The following BBOF1 variants were observed in gnomAD, a reference collection of about 807,000 sequenced individuals.
The protein encoded by BBOF1 is basal body-orientation factor 1.
In BBOF1, 62 loss-of-function variants were observed where a neutral mutation model predicts 68.0. That is an observed-to-expected ratio of 0.91 (90% CI 0.74 to 1.13). The LOEUF is 1.13. Among genes scored for constraint, BBOF1 ranks in the 50% most tolerant of loss-of-function variants. The pLI, the probability that BBOF1 is intolerant of heterozygous loss-of-function variation, is 0.00. For synonymous variants in BBOF1, 208 were observed against 198.8 expected, an observed-to-expected ratio of 1.05 and a Z score of -0.39; for missense variants, 534 against 600.1, an observed-to-expected ratio of 0.89 and a Z score of 1.15.
At chr14:74,026,881 C>T (rs1373721677) in intron 2 of BBOF1, among the ~76,000 whole-genome samples, 2 of 151,022 alleles carry the variant, frequency 1.3e-5, no homozygotes, top group Non-Finnish European at 1.5e-5. Flanking sequence ...GCTGAGATTG[C>T]GCCACTGCAC....
intron 9 of BBOF1, among the ~76,000 whole-genome samples, chr14:74,074,294 T>C (rs1041530006): frequency 6.0e-5 from 9 of 148,900 alleles, no homozygotes; most frequent in Non-Finnish European, 1.0e-4. Context: ...CTAAATTTTT[T>C]TTTTTTTTTT....
intron 3 of BBOF1, among the ~76,000 whole-genome samples, chr14:74,032,923 T>C (rs2059610511): frequency 6.6e-6 from 1 of 152,130 alleles, no homozygotes; most frequent in Non-Finnish European, 1.5e-5. Flanking sequence ...TCCTTTTCTC[T>C]GTCCTCTTGC....
intron 8 of BBOF1, chr14:74,055,154 CT>C (rs760275836): frequency 1.8e-3 from 271 of 149,178 alleles, no homozygotes; most frequent in South Asian, 7.5e-3. Context: ...TTTTTTCTTT[CT>C]TTTTTTTTTT....
At chr14:74,049,636 T>C in intron 7 of BBOF1, 66 bp from the exon 8 acceptor site, 2 of 1,394,664 alleles carry the variant, frequency 1.4e-6, no homozygotes, top group Non-Finnish European at 9.5e-7. Flanking sequence ...CCCTCCAGCC[T>C]GGGCGACAGA....
intron 11 of BBOF1, among the ~76,000 whole-genome samples, chr14:74,062,957 T>G (rs9652369): frequency 0.56 from 85,331 of 152,040 alleles, 25,244 homozygotes; most frequent in East Asian, 0.89. Flanking sequence ...CCTGCTCTGT[T>G]CCAGGTACTG....
chr14:74,069,054 C>T, downstream of BBOF1: 1 of 1,512,136 alleles, frequency 6.6e-7, no homozygotes, highest in Non-Finnish European at 9.1e-7. Context: ...TCCCCTTTCC[C>T]CACTGCTATG....
In BBOF1 at chr14:74,037,274, CTTTT is replaced by C. The variant is rs892262272; in HGVS notation, c.495+3127_495+3130del. Reference sequence around the variant, plus strand: ...AGGTGTGAACCACCACGCCTGGCCTCTTTTTTTTTTTTTTTTTTTTTTTTTTTCT... The same window carrying C: ...AGGTGTGAACCACCACGCCTGGCCTCTTTTTTTTTTTTTTTTTTTTTTTCT... On this transcript the variant is annotated intron_variant, in intron 4 of 11. Coordinates refer to ENST00000394009, the MANE Select transcript of BBOF1 (RefSeq NM_025057.3). Among the ~76,000 whole-genome samples the C allele has an allele frequency of 9.1e-5, 6 of 65,996 alleles. No individual in the cohort carries two copies. The South Asian group carries it at 3.6e-3, about 40-fold the overall frequency. 43.3% of individuals were successfully genotyped at this position (65,996 alleles called of 152,430 possible). A position where few individuals can be genotyped will look rare whatever the true frequency, so the allele number is the denominator to read the frequency against.
intron 9 of BBOF1, among the ~76,000 whole-genome samples, chr14:74,076,595 G>A (rs1211158939): frequency 6.6e-6 from 1 of 152,114 alleles, no homozygotes; most frequent in Non-Finnish European, 1.5e-5. Flanking sequence ...GGAGTACAGT[G>A]GCATGACCTT....
chr14:74,035,307 T>G (rs1394923016), intron 4 of BBOF1, among the ~76,000 whole-genome samples: 5 of 152,016 alleles, frequency 3.3e-5, no homozygotes, highest in Admixed American at 2.6e-4. Context: ...CAGTCATCTA[T>G]CTTAAGGCTT....
intron 9 of BBOF1, among the ~76,000 whole-genome samples, chr14:74,072,992 G>A (rs765661599): frequency 1.3e-5 from 2 of 152,164 alleles, no homozygotes; most frequent in Non-Finnish European, 2.9e-5. Flanking sequence ...TAGAGATGGG[G>A]TTTCACCATG....
intron 9 of BBOF1, among the ~76,000 whole-genome samples, chr14:74,075,693 T>C (rs1259036573): frequency 2.0e-5 from 3 of 151,890 alleles, no homozygotes; most frequent in Non-Finnish European, 1.5e-5. Context: ...ATATAAGTAA[T>C]AGAGTATATA....
intron 3 of BBOF1, among the ~76,000 whole-genome samples, chr14:74,031,548 C>T (rs987417613): frequency 6.6e-6 from 1 of 152,012 alleles, no homozygotes; most frequent in Non-Finnish European, 1.5e-5. Context: ...ATGTATCTCT[C>T]ATCATTCTGG....
intron 4 of BBOF1, among the ~76,000 whole-genome samples, chr14:74,036,042 A>T (rs2059691253): frequency 6.6e-6 from 1 of 151,868 alleles, no homozygotes; most frequent in African/African-American, 2.4e-5. Context: ...CTACAGGAAT[A>T]CTTTTAAAAT....
At chr14:74,028,165 C>T (rs1177406686) in intron 2 of BBOF1, among the ~76,000 whole-genome samples, 3 of 151,832 alleles carry the variant, frequency 2.0e-5, no homozygotes, top group African/African-American at 4.8e-5. Context: ...GTCAGAAGTT[C>T]GAGACCAGCC....
chr14:74,057,187 A>C lies in BBOF1; in HGVS notation c.1507A>C (p.Ile503Leu). The change falls in exon 11 of 12, where the codon ATT becomes CTT. Residue 503 changes from isoleucine (I) to leucine (L), a missense_variant. Transcript: ENST00000394009. ...LQDKIFITQQ[I>L]AISDSSGEVV... ...AGATAAAATCTTCATCACCCAGCAA[A>C]TTGCAATATCAGACTCTTCTGGTGA... 4 of 1,613,668 alleles carry C rather than the reference A, an allele frequency of 2.5e-6. No individual in the cohort carries two copies. Among genetic ancestry groups the C allele is most frequent in the Non-Finnish European group, 3.4e-6 (4 of 1,179,682 alleles).
Position 74,046,190 on chromosome 14 carries a change from C to T in BBOF1, c.647+60C>T, listed in dbSNP as rs1322169777. The T allele has an allele frequency of 6.3e-6, 9 of 1,418,792 alleles. No homozygotes were observed. The Admixed American group carries it at 2.2e-4, about 34-fold the overall frequency. 87.9% of individuals were successfully genotyped at this position (1,418,792 alleles called of 1,614,324 possible). ...ACCTCTCTTACCTCTTTGCTGGTCT[C>T]TTTTCTTCTTACTTTCTTGTCTTCC... is the stretch of plus-strand genomic sequence containing the variant. On this transcript the variant is annotated intron_variant, in intron 6 of 11. Transcript: ENST00000394009.
downstream of BBOF1, chr14:74,068,927 G>T (rs879255579): frequency 1.9e-6 from 3 of 1,613,934 alleles, no homozygotes; most frequent in Non-Finnish European, 2.5e-6. Context: ...TGCCTTGTTG[G>T]ATCCCACAAA....
chr14:74,029,228 C>T lies in BBOF1; in HGVS notation c.330C>T (p.Ala110=), dbSNP rs990926393. ...KQQLNETKEK[A]QEEKDKLEQK... ...AATTAAATGAAACAAAGGAAAAAGC[C>T]CAAGAGGAGAAGGATAAATTGGTGA... Residue 110 remains alanine (A), a synonymous_variant, in exon 3 of 12, where the codon GCC becomes GCT. Coordinates refer to ENST00000394009, the MANE Select transcript of BBOF1 (RefSeq NM_025057.3). The T allele has an allele frequency of 7.0e-6, 11 of 1,561,458 alleles. No homozygotes were observed. The highest frequency in any genetic ancestry group is 9.6e-6 in the Non-Finnish European group (11 of 1,150,792).
intron 9 of BBOF1, chr14:74,072,305 G>C: frequency 6.2e-7 from 1 of 1,614,238 alleles, no homozygotes; most frequent in Non-Finnish European, 8.5e-7. Flanking sequence ...AGGAAGCAAT[G>C]GCTGCATCCA....
Sources: gnomAD v4.1 joint callset for allele counts (sites outside exome capture counted in the v4.1 genomes callset) on GRCh38, gnomAD v4.1.1 for gene constraint, MANE v1.5 for transcripts, NCBI Gene and HGNC (gene_info 2026-07-23, HGNC 2026-07-21) for gene names.